MAP3K14: variants seen among roughly 807,000 people sequenced by gnomAD.
The protein encoded by MAP3K14 is mitogen-activated protein kinase kinase kinase 14, also known as NF-kappa-beta-inducing kinase.
In MAP3K14, 16 loss-of-function variants were observed where a neutral mutation model predicts 99.2. The ratio of observed to expected loss-of-function variants is 0.16; its 90% CI spans 0.11 to 0.24. MAP3K14 has a LOEUF of 0.24. Ranked by LOEUF, MAP3K14 falls within the 10% of genes least tolerant of loss-of-function variation. The probability of loss-of-function intolerance (pLI) is 1.00; values close to 1 mark genes in which losing one functional copy is unlikely to be tolerated. For missense variants in MAP3K14, 784 were observed against 1,208.7 expected (o/e 0.65, Z 5.21); for synonymous variants, 462 against 492.4 (o/e 0.94, Z 0.82).
chr17:45,267,278 G>A lies in MAP3K14; in HGVS notation c.2327-80C>T, dbSNP rs1402421774. 4.4e-6 allele frequency: 6 copies of A among 1,374,444 alleles called. No homozygotes were observed. The highest frequency in any genetic ancestry group is 2.9e-5 in the African/African-American group (2 of 69,492). The allele number at this position is 1,374,444 out of a possible 1,614,324, so 85.1% of individuals were successfully genotyped here. On this transcript the variant is annotated intron_variant, in intron 12 of 15. Transcript: ENST00000344686. This position sits in a 1 kb window ranked among gnomAD's most constrained non-coding sequence, Gnocchi z 5.1. ...TTTCAGGGGTTCTTCCTGCACAGTC[G>A]GTAGAAGCTGAGCTGCTGGGGAAGG...
intron 6 of MAP3K14, among the ~76,000 whole-genome samples, chr17:45,282,546 T>A (rs1157471442): frequency 9.3e-6 from 1 of 107,070 alleles, no homozygotes; most frequent in Non-Finnish European, 1.8e-5. Flanking sequence ...CAGAGCGAGA[T>A]CCTGTCTCAA....
intron 1 of MAP3K14, among the ~76,000 whole-genome samples, chr17:45,311,771 TAAAAGGTTTTTCACACCA>T (rs766706730): frequency 5.7e-4 from 87 of 152,310 alleles, no homozygotes; most frequent in Non-Finnish European, 1.1e-3. Flanking sequence ...AAAGCGTTCC[TAAAAGGTTTTTCACACCA>T]AAATAGGGCT....
chr17:45,306,211 G>A (rs2044428783), intron 1 of MAP3K14, among the ~76,000 whole-genome samples: 2 of 152,176 alleles, frequency 1.3e-5, no homozygotes, highest in Non-Finnish European at 2.9e-5. Flanking sequence ...AGTAGGCCAA[G>A]TAATTTGCCC....
rs765234546 is a variant in MAP3K14, at chr17:45,290,502, C to T, written c.244G>A (p.Ala82Thr). The T allele has an allele frequency of 1.2e-6, 2 of 1,613,792 alleles. No individual in the cohort carries two copies. Among genetic ancestry groups the T allele is most frequent in the African/African-American group, 1.3e-5 (1 of 74,882 alleles). The change falls in exon 2 of 16, where the codon GCC becomes ACC. Residue 82 changes from alanine (A) to threonine (T), a missense_variant. Physicochemically the swap from Ala to Thr is moderately conservative, Grantham distance 58 (BLOSUM62 0). Transcript: ENST00000344686. ...EAGPAAISII[A>T]QAECENSQEF... Reference sequence around the variant, plus strand: ...CCTAGGCCCCTACACTCAGCCTGGGCGATGATAGAGATGGCAGCTGGCCCT... The same window carrying T: ...CCTAGGCCCCTACACTCAGCCTGGGTGATGATAGAGATGGCAGCTGGCCCT...
intron 6 of MAP3K14, among the ~76,000 whole-genome samples, chr17:45,281,022 A>T (rs555842127): frequency 6.6e-6 from 1 of 152,344 alleles, no homozygotes; most frequent in East Asian, 1.9e-4. Context: ...AGAGTTGTAT[A>T]TATGCCAATA....
At chr17:45,273,303 G>A (rs952503469) in intron 9 of MAP3K14, among the ~76,000 whole-genome samples, 200 bp downstream of exon 9, 2 of 152,162 alleles carry the variant, frequency 1.3e-5, no homozygotes, top group Non-Finnish European at 2.9e-5. Context: ...GTGTACAGGA[G>A]CATCGACAAT....
intron 6 of MAP3K14, among the ~76,000 whole-genome samples, chr17:45,276,351 C>G (rs1422851811): frequency 1.3e-5 from 2 of 152,310 alleles, no homozygotes; most frequent in Admixed American, 1.3e-4. Flanking sequence ...CCACATATTT[C>G]CACATGCAAA....
At chr17:45,297,575 G>A (rs1433537092) in intron 1 of MAP3K14, among the ~76,000 whole-genome samples, 1 of 152,154 alleles carries the variant, frequency 6.6e-6, no homozygotes, top group African/African-American at 2.4e-5. Context: ...AGGTGGCACT[G>A]CCTTCACTGA....
rs1055184427 is a variant in MAP3K14 at position 45,267,194 on chromosome 17, T to A, written c.2331A>T (p.Leu777Phe). Residue 777 changes from leucine (L) to phenylalanine (F), a missense_variant, in exon 13 of 16, where the codon TTA (leucine) becomes TTT (phenylalanine). Leu to Phe is a conservative substitution (Grantham distance 22, BLOSUM62 0). Transcript: ENST00000344686. The surrounding 1 kb of genome is among the most constrained non-coding windows in gnomAD (Gnocchi z 5.1). ...EQELQQLEIE[L>F]FLNSLSQPFS... ...ATGGCTGGGACAGGCTGTTGAGGAATAATTCTGCAGGGAAAAGTGGAAGAT... is the reference window on the plus strand; with the variant it reads ...ATGGCTGGGACAGGCTGTTGAGGAAAAATTCTGCAGGGAAAAGTGGAAGAT... The A allele has an allele frequency of 6.3e-7, 1 of 1,587,242 alleles. No homozygotes were observed.
chr17:45,293,497 C>T (rs1240844194), intron 1 of MAP3K14, among the ~76,000 whole-genome samples: 1 of 152,226 alleles, frequency 6.6e-6, no homozygotes, highest in African/African-American at 2.4e-5. Context: ...CTGAGGCAGC[C>T]ACGCTCAGAG....
At chr17:45,292,057 C>T (rs954777323) in intron 1 of MAP3K14, among the ~76,000 whole-genome samples, 10 of 152,218 alleles carry the variant, frequency 6.6e-5, no homozygotes, top group African/African-American at 2.4e-4. Context: ...CTTCCCACCT[C>T]GATGGCTATG....
At chr17:45,275,844 C>T (rs952553877) in intron 6 of MAP3K14, among the ~76,000 whole-genome samples, 3 of 150,476 alleles carry the variant, frequency 2.0e-5, no homozygotes, top group Non-Finnish European at 4.4e-5. Context: ...TCATTGCAAC[C>T]TCTGCCTCCC....
intron 6 of MAP3K14, among the ~76,000 whole-genome samples, chr17:45,276,889 G>A (rs1391569456): frequency 1.5e-5 from 2 of 130,754 alleles, no homozygotes; most frequent in Non-Finnish European, 3.1e-5. Context: ...GTGCAGTGGT[G>A]TGATATCTCA....
chr17:45,303,453 T>C (rs996268842), intron 1 of MAP3K14, among the ~76,000 whole-genome samples: 5 of 152,036 alleles, frequency 3.3e-5, no homozygotes, highest in Non-Finnish European at 7.4e-5. Context: ...CCCAGCTACT[T>C]TGGAGGCTAA....
At chr17:45,302,248 A>T (rs2044395044) in intron 1 of MAP3K14, among the ~76,000 whole-genome samples, 1 of 151,378 alleles carries the variant, frequency 6.6e-6, no homozygotes, top group African/African-American at 2.4e-5. Flanking sequence ...CCCCGTTAAC[A>T]GTTTCTTGTA....
At chr17:45,294,993 T>C (rs956089348) in intron 1 of MAP3K14, among the ~76,000 whole-genome samples, 18 of 152,230 alleles carry the variant, frequency 1.2e-4, no homozygotes, top group African/African-American at 3.9e-4. Flanking sequence ...AGCGGTGTTT[T>C]CTCTGACAGT....
intron 1 of MAP3K14, among the ~76,000 whole-genome samples, chr17:45,308,501 T>C (rs535179935): frequency 7.2e-5 from 11 of 152,248 alleles, no homozygotes; most frequent in Admixed American, 5.2e-4. Context: ...TGATTCTACT[T>C]TGAACTATAT....
At chr17:45,312,126 G>A (rs556125723) in intron 1 of MAP3K14, among the ~76,000 whole-genome samples, 35 of 152,288 alleles carry the variant, frequency 2.3e-4, no homozygotes, top group African/African-American at 8.2e-4. Context: ...GGAATAAATC[G>A]CCTGTCACCT....
In MAP3K14 at chr17:45,269,614, G is replaced by A. The variant is rs545220178; in HGVS notation, c.1972+799C>T. ...AGGGAAGGGGGCTAAAGGTTAAGCGGTTCGCCAATGGCCAGTGATTTATTC... is the reference window on the plus strand; with the variant it reads ...AGGGAAGGGGGCTAAAGGTTAAGCGATTCGCCAATGGCCAGTGATTTATTC... On this transcript the variant is annotated intron_variant, in intron 11 of 15. Coordinates refer to ENST00000344686, the MANE Select transcript of MAP3K14 (RefSeq NM_003954.5). Among the ~76,000 whole-genome samples, 388 of 152,180 alleles carry A rather than the reference G, an allele frequency of 2.5e-3. 1 individual carries two copies. The highest frequency in any genetic ancestry group is 0.017 in the Middle Eastern group (5 of 294).
Sources: allele counts gnomAD v4.1 joint callset (sites outside exome capture counted in the v4.1 genomes callset), GRCh38; gene constraint gnomAD v4.1.1; non-coding constraint Gnocchi (gnomAD v3.1); transcripts MANE v1.5; gene names NCBI Gene and HGNC (gene_info 2026-07-23, HGNC 2026-07-21).